The following AOC2 variants were observed in gnomAD, a reference collection of about 807,000 sequenced individuals.
The protein encoded by AOC2 is amine oxidase copper containing 2, also known as amine oxidase [copper-containing] 2.
Under a neutral mutation model 53.8 loss-of-function variants are expected in AOC2, and 57 were observed. The observed-to-expected ratio is 1.06, with a 90% CI of 0.86 to 1.32. AOC2 has a LOEUF of 1.32. Ranked by LOEUF, AOC2 falls within the 40% of genes most tolerant of loss-of-function variation. AOC2 has a pLI of 0.00. For synonymous variants in AOC2, 404 were observed against 399.0 expected, an observed-to-expected ratio of 1.01 and a Z score of -0.15; for missense variants, 1,008 against 957.2, an observed-to-expected ratio of 1.05 and a Z score of -0.70.
rs1385220748 is a variant in AOC2 at position 42,844,660 on chromosome 17, C to T, written c.34C>T (p.Leu12=). The change falls in exon 1 of 4, where the codon CTG becomes TTG. Residue 12 remains leucine (L), a synonymous_variant. Transcript: ENST00000253799. The part of the protein sequence containing the change: ...HLKIVLAFLA[L]SLITIFALAY... ...CAAGATAGTCCTGGCGTTCCTGGCACTGTCCCTCATTACCATCTTTGCCCT... is the reference window on the plus strand; with the variant it reads ...CAAGATAGTCCTGGCGTTCCTGGCATTGTCCCTCATTACCATCTTTGCCCT... 2 of 1,613,994 alleles carry T rather than the reference C, an allele frequency of 1.2e-6. No individual in the cohort carries two copies. Among genetic ancestry groups the T allele is most frequent in the Non-Finnish European group, 8.5e-7 (1 of 1,179,874 alleles).
intron 3 of AOC2, 113 bp from the exon 4 acceptor site, chr17:42,849,969 A>G: frequency 6.9e-7 from 1 of 1,447,742 alleles, no homozygotes; most frequent in African/African-American, 1.4e-5. Flanking sequence ...TTGTATGGGC[A>G]TGAGGCTGGG....
At chr17:42,849,443 C>G in intron 2 of AOC2, 72 bp downstream of exon 2, 1 of 1,579,198 alleles carries the variant, frequency 6.3e-7, no homozygotes, top group Non-Finnish European at 8.6e-7. Flanking sequence ...GAGACAAACT[C>G]CCTTCCCACG....
In AOC2 at chr17:42,844,820, C is replaced by T; in HGVS notation, c.194C>T (p.Thr65Ile). ...GCAGACCTGAGCCGAGAGGAGTTGA[C>T]AGCTGTGATGCGCTTTCTGACCCAG... is the stretch of plus-strand genomic sequence containing the variant. ...LFADLSREEL[T>I]AVMRFLTQRL... Residue 65 changes from threonine to isoleucine, a missense_variant, in exon 1 of 4, where the codon ACA becomes ATA. Coordinates refer to ENST00000253799, the MANE Select transcript of AOC2 (RefSeq NM_009590.4). 6.2e-7 allele frequency: 1 copy of T among 1,613,956 alleles called. No homozygotes were observed.
Position 42,849,369 on chromosome 17 carries a change from GA to G in AOC2, c.1873del (p.Arg625AspfsTer6). ...SDMERALSWG[R>X]YQLVVTQRKE... ...ACATGGAGAGGGCCCTCAGCTGGGG[GA>G]GGTGAGGAGGGCCCTGGCCTGGGTG... is the stretch of plus-strand genomic sequence containing the variant. On this transcript the variant is annotated frameshift_variant and splice_region_variant, in exon 2 of 4. Coordinates refer to ENST00000253799, the MANE Select transcript of AOC2 (RefSeq NM_009590.4). LOFTEE classifies it high-confidence loss of function. 1.9e-6 allele frequency: 3 copies of G among 1,610,546 alleles called. No individual in the cohort carries two copies. Among genetic ancestry groups the G allele is most frequent in the Non-Finnish European group, 2.5e-6 (3 of 1,177,172 alleles).
Position 42,845,249 on chromosome 17 carries a change from C to A in AOC2, c.623C>A (p.Thr208Asn), listed in dbSNP as rs763802745. The change falls in exon 1 of 4, where the codon ACC (threonine) becomes AAC (asparagine). Residue 208 changes from threonine to asparagine, a missense_variant. Physicochemically the swap from Thr to Asn is moderately conservative, Grantham distance 65 (BLOSUM62 0). Transcript: ENST00000253799. ...TCTACCCTGGCAGCTGTGCATGCCA[C>A]CCCTCGGGGCTTGCGCTCAGGGGAC... The part of the protein sequence containing the change: ...NGSTLAAVHA[T>N]PRGLRSGDRA... 6.2e-7 allele frequency: 1 copy of A among 1,614,128 alleles called. No individual in the cohort carries two copies. Among genetic ancestry groups the A allele is most frequent in the Non-Finnish European group, 8.5e-7 (1 of 1,180,036 alleles).
At chr17:42,849,827 C>T (rs2055635001) in intron 3 of AOC2, 97 bp downstream of exon 3, 3 of 1,553,180 alleles carry the variant, frequency 1.9e-6, no homozygotes, top group East Asian at 2.3e-5. Context: ...GGCTGATTTC[C>T]AGTTCGCAGA....
chr17:42,849,560 T>C (rs777400069), intron 2 of AOC2, 41 bp from the exon 3 acceptor site: 1 of 1,614,130 alleles, frequency 6.2e-7, no homozygotes, highest in Admixed American at 1.7e-5. Context: ...GTAAAGGCAC[T>C]TGACATTTCC....
Position 42,844,632 on chromosome 17 carries a change from T to G in AOC2, c.6T>G (p.His2Gln). Residue 2 changes from histidine (H) to glutamine (Q), a missense_variant, in exon 1 of 4, where the codon CAT becomes CAG. Physicochemically the swap from His to Gln is conservative, Grantham distance 24 (BLOSUM62 0). Coordinates refer to ENST00000253799, the MANE Select transcript of AOC2 (RefSeq NM_009590.4). M[H>Q]LKIVLAFLAL... is the part of the protein sequence containing the mutation. ...TTCAGCTCTCAGCATCCACCATGCA[T>G]CTCAAGATAGTCCTGGCGTTCCTGG... The G allele has an allele frequency of 6.2e-7, 1 of 1,610,344 alleles. No individual in the cohort carries two copies. Among genetic ancestry groups the G allele is most frequent in the South Asian group, 1.1e-5 (1 of 90,820 alleles).
rs1181502105 is a variant in AOC2 at position 42,850,619 on chromosome 17, CTT to C, written c.*273_*274del. On this transcript the variant is annotated 3_prime_UTR_variant, in exon 4 of 4. Coordinates refer to ENST00000253799, the MANE Select transcript of AOC2 (RefSeq NM_009590.4). ...GGTGGTCACATTACATCAGACATCT[CTT>C]TATGCATGTGCATTCAAAAGGAAGA... 10 of 347,326 alleles carry C rather than the reference CTT, an allele frequency of 2.9e-5. No homozygotes were observed. In the East Asian group the frequency reaches 4.8e-4, roughly 17 times the overall value. The allele number at this position is 347,326 out of a possible 1,614,324, so 21.5% of individuals were successfully genotyped here. A position where few individuals can be genotyped will look rare whatever the true frequency, so the allele number is the denominator to read the frequency against.
Position 42,846,076 on chromosome 17 carries a change from C to A in AOC2, c.1450C>A (p.His484Asn), listed in dbSNP as rs758525753. Residue 484 changes from histidine to asparagine, a missense_variant, in exon 1 of 4, where the codon CAT becomes AAT. By Grantham distance (68) the His-to-Asn change is moderately conservative. Transcript: ENST00000253799. ...AAATGGGGCACTTGAAGGGCGGGTC[C>A]ATGCCACGGGTTATATCAACACAGC... is the stretch of plus-strand genomic sequence containing the variant. The part of the protein sequence containing the change: ...YPNGALEGRV[H>N]ATGYINTAFL... The A allele has an allele frequency of 5.0e-6, 8 of 1,606,606 alleles. No individual in the cohort carries two copies. In the African/African-American group the frequency reaches 1.1e-4, roughly 21 times the overall value.
At chr17:42,847,320 G>A (rs1014346448) in intron 1 of AOC2, among the ~76,000 whole-genome samples, 3 of 152,208 alleles carry the variant, frequency 2.0e-5, no homozygotes, top group Admixed American at 2.0e-4. Flanking sequence ...GGGCCAGAGA[G>A]GCTGTGTCAG....
In AOC2 at chr17:42,845,712, T is replaced by G; in HGVS notation, c.1086T>G (p.Cys362Trp). 1 of 1,614,144 alleles carries G rather than the reference T, an allele frequency of 6.2e-7. No individual in the cohort carries two copies. Among genetic ancestry groups the G allele is most frequent in the Non-Finnish European group, 8.5e-7 (1 of 1,180,018 alleles). The change falls in exon 1 of 4, where the codon TGT (cysteine) becomes TGG (tryptophan). Residue 362 changes from cysteine (C) to tryptophan (W), a missense_variant. Physicochemically the swap from Cys to Trp is radical, Grantham distance 215 (BLOSUM62 -2). Coordinates refer to ENST00000253799, the MANE Select transcript of AOC2 (RefSeq NM_009590.4). ...RIAYEVSVQE[C>W]VSIYGADSPK... is the part of the protein sequence containing the mutation. ...CCTATGAAGTCAGTGTCCAGGAGTG[T>G]GTATCTATCTATGGTGCCGATTCAC...
intron 1 of AOC2, among the ~76,000 whole-genome samples, chr17:42,846,957 A>C (rs530952514): frequency 6.6e-6 from 1 of 152,340 alleles, no homozygotes; most frequent in South Asian, 2.1e-4. Flanking sequence ...AAGGGAAACT[A>C]AGGAGGGTGG....
At position 42,849,220 on chromosome 17, in the gene AOC2, T is replaced by C. The variant is rs756757822; in HGVS notation, c.1723T>C (p.Leu575=). ...LGKEDLTAFS[L]GSPLPRYLYL... ...AAAGGAGGACCTGACAGCTTTTTCCTTGGGAAGCCCCCTACCCCGCTACCT... is the reference window on the plus strand; with the variant it reads ...AAAGGAGGACCTGACAGCTTTTTCCCTGGGAAGCCCCCTACCCCGCTACCT... The change falls in exon 2 of 4, where the codon TTG becomes CTG. Residue 575 remains leucine, a synonymous_variant. Transcript: ENST00000253799. 1.9e-5 allele frequency: 30 copies of C among 1,614,072 alleles called. 1 individual carries two copies. The highest frequency in any genetic ancestry group is 2.4e-5 in the Non-Finnish European group (28 of 1,180,034).
chr17:42,850,603 A>G lies in AOC2; in HGVS notation c.*255A>G. The G allele has an allele frequency of 2.5e-6, 1 of 392,832 alleles. No individual in the cohort carries two copies. Among genetic ancestry groups the G allele is most frequent in the Non-Finnish European group, 4.5e-6 (1 of 222,660 alleles). 24.3% of individuals were successfully genotyped at this position (392,832 alleles called of 1,614,324 possible). A position where few individuals can be genotyped will look rare whatever the true frequency, so the allele number is the denominator to read the frequency against. On this transcript the variant is annotated 3_prime_UTR_variant, in exon 4 of 4. Transcript: ENST00000253799. Reference sequence around the variant, plus strand: ...CTACTACTCAGAAATAGGTGGTCACATTACATCAGACATCTCTTTATGCAT... The same window carrying G: ...CTACTACTCAGAAATAGGTGGTCACGTTACATCAGACATCTCTTTATGCAT...
chr17:42,846,968 C>T (rs138056080), intron 1 of AOC2, among the ~76,000 whole-genome samples: 31 of 152,262 alleles, frequency 2.0e-4, no homozygotes, highest in African/African-American at 6.3e-4. Context: ...AGGAGGGTGG[C>T]GGGAGATGGG....
rs951561177 is a variant in AOC2 at position 42,846,179 on chromosome 17, A to G, written c.1553A>G (p.His518Arg). 2.0e-6 allele frequency: 3 copies of G among 1,497,988 alleles called. No homozygotes were observed. In the African/African-American group the frequency reaches 4.3e-5, roughly 21 times the overall value. 92.8% of individuals were successfully genotyped at this position (1,497,988 alleles called of 1,614,324 possible). Residue 518 changes from histidine to arginine, a missense_variant, in exon 1 of 4, where the codon CAT (histidine) becomes CGT (arginine). His to Arg is a conservative substitution (Grantham distance 29). Coordinates refer to ENST00000253799, the MANE Select transcript of AOC2 (RefSeq NM_009590.4). ...AGAGTGCTGGGAACGGTGCACACAC[A>G]TGCCTTCCACTTCAAGCTGGACCTG... ...GERVLGTVHTHAFHFKLDLDV... is the reference protein window; with the variant it reads ...GERVLGTVHTRAFHFKLDLDV...
rs1285322032 is a variant in AOC2, at chr17:42,846,172, C to T, written c.1546C>T (p.His516Tyr). The T allele has an allele frequency of 3.3e-6, 5 of 1,535,482 alleles. No individual in the cohort carries two copies. The highest frequency in any genetic ancestry group is 1.3e-5 in the South Asian group (1 of 78,118). ...GGGGGAAAGAGTGCTGGGAACGGTGCACACACATGCCTTCCACTTCAAGCT... is the reference window on the plus strand; with the variant it reads ...GGGGGAAAGAGTGCTGGGAACGGTGTACACACATGCCTTCCACTTCAAGCT... ...RVGERVLGTV[H>Y]THAFHFKLDL... is the part of the protein sequence containing the mutation. The change falls in exon 1 of 4, where the codon CAC (histidine) becomes TAC (tyrosine). Residue 516 changes from histidine to tyrosine, a missense_variant. By Grantham distance (83) the His-to-Tyr change is moderately conservative. Transcript: ENST00000253799.
At chr17:42,849,798 G>A in intron 3 of AOC2, 68 bp downstream of exon 3, 1 of 1,604,520 alleles carries the variant, frequency 6.2e-7, no homozygotes, top group South Asian at 1.1e-5. Flanking sequence ...CCAGCCTCTG[G>A]CCAAAGGTTA....
Sources: gnomAD v4.1 joint callset for allele counts (sites outside exome capture counted in the v4.1 genomes callset) on GRCh38, gnomAD v4.1.1 for gene constraint, MANE v1.5 for transcripts, NCBI Gene and HGNC (gene_info 2026-07-23, HGNC 2026-07-21) for gene names.